The following PARD6G variants were observed in gnomAD, a reference collection of about 807,000 sequenced individuals.
PARD6G encodes the protein par-6 family cell polarity regulator gamma.
Under a neutral mutation model 10.7 loss-of-function variants are expected in PARD6G, and 7 were observed. The observed-to-expected ratio is 0.66, with a 90% CI of 0.37 to 1.23. The LOEUF is 1.23. Ranked by LOEUF, PARD6G falls within the 50% of genes most tolerant of loss-of-function variation. The pLI is 0.02. For missense variants in PARD6G, 548 were observed against 571.8 expected, an observed-to-expected ratio of 0.96 and a Z score of 0.42; for synonymous variants, 287 against 269.4, an observed-to-expected ratio of 1.07 and a Z score of -0.64.
At chr18:80,176,131 C>A (rs749881241) in intron 2 of PARD6G, among the ~76,000 whole-genome samples, 1 of 152,094 alleles carries the variant, frequency 6.6e-6, no homozygotes, top group South Asian at 2.1e-4. Flanking sequence ...GCAACTGATA[C>A]GTCTTGAAAC....
At chr18:80,215,998 A>G (rs1967161569) in intron 1 of PARD6G, among the ~76,000 whole-genome samples, 1 of 152,118 alleles carries the variant, frequency 6.6e-6, no homozygotes, top group Non-Finnish European at 1.5e-5. Flanking sequence ...AGCAGACAAA[A>G]TAGACTTTAA....
intron 1 of PARD6G, among the ~76,000 whole-genome samples, chr18:80,203,741 A>G (rs1258389254): frequency 6.6e-6 from 1 of 152,206 alleles, no homozygotes. Context: ...TCCAAAGGCA[A>G]AAGACCATTA....
intron 1 of PARD6G, among the ~76,000 whole-genome samples, chr18:80,222,589 C>T (rs888569547): frequency 1.3e-5 from 2 of 152,116 alleles, no homozygotes; most frequent in Non-Finnish European, 2.9e-5. Context: ...AAAACTTACA[C>T]ATAGTACTAA....
chr18:80,191,748 C>T (rs1395849430), intron 2 of PARD6G, among the ~76,000 whole-genome samples: 2 of 152,172 alleles, frequency 1.3e-5, no homozygotes, highest in East Asian at 1.9e-4. Context: ...TTTGGTTCCT[C>T]GCCTGTAAAG....
intron 1 of PARD6G, among the ~76,000 whole-genome samples, chr18:80,217,470 A>G (rs1410932417): frequency 6.6e-6 from 1 of 152,092 alleles, no homozygotes; most frequent in Non-Finnish European, 1.5e-5. Flanking sequence ...CCGGGCAAAC[A>G]CTCTCAGCCA....
Position 80,158,193 on chromosome 18 carries a change from C to A in PARD6G, c.*1578G>T, listed in dbSNP as rs534353967. Reference sequence around the variant, plus strand: ...GTATTTGTTAAAAATCACTAAGTTCCACGTGACTTCTTATAGTTAAAAGTG... The same window carrying A: ...GTATTTGTTAAAAATCACTAAGTTCAACGTGACTTCTTATAGTTAAAAGTG... On this transcript the variant is annotated 3_prime_UTR_variant, in exon 3 of 3. Coordinates refer to ENST00000353265, the MANE Select transcript of PARD6G (RefSeq NM_032510.4). 6.6e-6 allele frequency: 1 copy of A among 152,072 alleles called. No individual in the cohort carries two copies. Among genetic ancestry groups the A allele is most frequent in the Non-Finnish European group, 1.5e-5 (1 of 68,020 alleles). The allele number at this position is 152,072 out of a possible 1,614,324, so 9.4% of individuals were successfully genotyped here. A position where few individuals can be genotyped will look rare whatever the true frequency, so the allele number is the denominator to read the frequency against.
chr18:80,193,154 C>A (rs1446819017), intron 2 of PARD6G, among the ~76,000 whole-genome samples: 1 of 152,152 alleles, frequency 6.6e-6, no homozygotes, highest in Non-Finnish European at 1.5e-5. Context: ...ACAGAAGGCT[C>A]GCTCCTGACC....
chr18:80,177,332 A>G (rs1047322564), intron 2 of PARD6G, among the ~76,000 whole-genome samples: 1 of 148,532 alleles, frequency 6.7e-6, no homozygotes, highest in African/African-American at 2.5e-5. Flanking sequence ...TGGGAAGCGC[A>G]CACACACACA....
In PARD6G at chr18:80,200,224, C is replaced by G. The variant is rs1289756798; in HGVS notation, c.295+2486G>C. On this transcript the variant is annotated intron_variant, in intron 2 of 2. Transcript: ENST00000353265. This position sits in a 1 kb window ranked among gnomAD's most constrained non-coding sequence, Gnocchi z 4.4. ...TCAGGGGCCTCAGCTCTGCCCCAAA[C>G]GCAAACACACAGATTATGAAACATC... 6.6e-6 allele frequency among the ~76,000 whole-genome samples: 1 copy of G among 152,190 alleles called. No individual in the cohort carries two copies. Among genetic ancestry groups the G allele is most frequent in the Non-Finnish European group, 1.5e-5 (1 of 68,036 alleles).
chr18:80,174,897 C>T (rs370943394), intron 2 of PARD6G, among the ~76,000 whole-genome samples: 94 of 152,000 alleles, frequency 6.2e-4, no homozygotes, highest in Admixed American at 1.2e-3. Context: ...GAGAGTGAGC[C>T]GAGATTGTAC....
intron 1 of PARD6G, among the ~76,000 whole-genome samples, chr18:80,227,356 A>G (rs1337263569): frequency 6.6e-6 from 1 of 152,184 alleles, no homozygotes; most frequent in Non-Finnish European, 1.5e-5. Context: ...AAGTCATGAA[A>G]TGTGTTCCAT....
At position 80,192,306 on chromosome 18, in the gene PARD6G, A is replaced by G. The variant is rs986045309; in HGVS notation, c.295+10404T>C. Among the ~76,000 whole-genome samples the G allele has an allele frequency of 2.0e-5, 3 of 152,242 alleles. No homozygotes were observed. The highest frequency in any genetic ancestry group is 7.2e-5 in the African/African-American group (3 of 41,470). ...GCAGGCAGAGGGGCCTTCTGGCCTC[A>G]GCTCCAGCTCAAGGGGGTCTTGTTT... On this transcript the variant is annotated intron_variant, in intron 2 of 2. Transcript: ENST00000353265. This position sits in a 1 kb window ranked among gnomAD's most constrained non-coding sequence, Gnocchi z 4.9.
chr18:80,247,422 C>CCCCAGG lies in PARD6G; in HGVS notation c.-80_-75dup, dbSNP rs1159449738. Reference sequence around the variant, plus strand: ...GCAGAAAGACTCCCGGGGGCGGCGCCCCCAGGCCCCGGCCCCGGCCCCGGC... The same window carrying CCCCAGG: ...GCAGAAAGACTCCCGGGGGCGGCGCCCCCAGGCCCAGGCCCCGGCCCCGGCCCCGGC... On this transcript the variant is annotated 5_prime_UTR_variant, in exon 1 of 3. Coordinates refer to ENST00000353265, the MANE Select transcript of PARD6G (RefSeq NM_032510.4). This position sits in a 1 kb window ranked among gnomAD's most constrained non-coding sequence, Gnocchi z 4.2. 1.6e-6 allele frequency: 2 copies of CCCCAGG among 1,276,040 alleles called. No homozygotes were observed. The highest frequency in any genetic ancestry group is 2.4e-5 in the Admixed American group (1 of 40,856). The allele number at this position is 1,276,040 out of a possible 1,614,324, so 79.0% of individuals were successfully genotyped here.
chr18:80,163,635 T>C (rs1455570162), intron 2 of PARD6G, among the ~76,000 whole-genome samples: 1 of 152,208 alleles, frequency 6.6e-6, no homozygotes, highest in Non-Finnish European at 1.5e-5. Context: ...GGGCAGCAAG[T>C]GCTCTGGCCG....
Position 80,180,608 on chromosome 18 carries a change from C to G in PARD6G, c.296-20002G>C, listed in dbSNP as rs1329400222. Among the ~76,000 whole-genome samples, 1 of 152,150 alleles carries G rather than the reference C, an allele frequency of 6.6e-6. No individual in the cohort carries two copies. Among genetic ancestry groups the G allele is most frequent in the Non-Finnish European group, 1.5e-5 (1 of 68,030 alleles). On this transcript the variant is annotated intron_variant, in intron 2 of 2. Coordinates refer to ENST00000353265, the MANE Select transcript of PARD6G (RefSeq NM_032510.4). The surrounding 1 kb of genome is among the most constrained non-coding windows in gnomAD (Gnocchi z 5.6). ...TTCTCAAGCTTAACTGTCTCTATGG[C>G]ACCGCAAATGGCAGGGCTGCTCCCC... is the stretch of plus-strand genomic sequence containing the variant.
chr18:80,168,961 C>G (rs1364426078), intron 2 of PARD6G: 1 of 169,204 alleles, frequency 5.9e-6, no homozygotes, highest in African/African-American at 2.4e-5. Context: ...TTTATTAAAA[C>G]TATCCTGACT....
rs2052700903 is a variant in PARD6G, at chr18:80,161,551, CATTT to C, written c.296-949_296-946del. Among the ~76,000 whole-genome samples, 1 of 151,970 alleles carries C rather than the reference CATTT, an allele frequency of 6.6e-6. No individual in the cohort carries two copies. The highest frequency in any genetic ancestry group is 1.5e-5 in the Non-Finnish European group (1 of 68,000). On this transcript the variant is annotated intron_variant, in intron 2 of 2. Transcript: ENST00000353265. The surrounding 1 kb of genome is among the most constrained non-coding windows in gnomAD (Gnocchi z 4.6). ...TGGCATTTGGAAACTCTGAATAATG[CATTT>C]TCCTCATGTCAGAAAAAAAATCTTG...
intron 1 of PARD6G, among the ~76,000 whole-genome samples, chr18:80,220,694 T>C (rs1015293901): frequency 1.3e-5 from 2 of 152,026 alleles, no homozygotes; most frequent in South Asian, 2.1e-4. Flanking sequence ...CACTGCAACC[T>C]CCACCTCCCA....
intron 2 of PARD6G, among the ~76,000 whole-genome samples, chr18:80,195,544 GATACATAT>G (rs1311990074): frequency 4.2e-5 from 1 of 23,686 alleles, no homozygotes; most frequent in Non-Finnish European, 8.9e-5. Flanking sequence ...AGTCTTCAAA[GATACATAT>G]ATATATATAT....
Sources: gnomAD v4.1 joint callset for allele counts (sites outside exome capture counted in the v4.1 genomes callset) on GRCh38, gnomAD v4.1.1 for gene constraint, Gnocchi (gnomAD v3.1) non-coding constraint, MANE v1.5 for transcripts, NCBI Gene and HGNC (gene_info 2026-07-23, HGNC 2026-07-21) for gene names.